Variants in ZC3H12B observed in about 807,000 individuals in gnomAD.
The protein encoded by ZC3H12B is zinc finger CCCH-type containing 12B.
Under a neutral mutation model 43.9 loss-of-function variants are expected in ZC3H12B, and 7 were observed. That is an observed-to-expected ratio of 0.16 (90% confidence interval 0.09 to 0.30). The LOEUF (loss-of-function observed/expected upper bound fraction) is 0.30. Ranked by LOEUF, ZC3H12B falls within the 10% of genes least tolerant of loss-of-function variation. ZC3H12B has a pLI of 1.00. For synonymous variants in ZC3H12B, 222 were observed against 241.7 expected, an observed-to-expected ratio of 0.92 and a Z score of 0.76; for missense variants, 475 against 670.2, an observed-to-expected ratio of 0.71 and a Z score of 3.22.
the ZC3H12B span, among the ~76,000 whole-genome samples, chrX:65,183,080 C>T: frequency 7.2e-5 from 8 of 111,471 alleles, no homozygotes; most frequent in Non-Finnish European, 1.1e-4. Context: ...GTGTTTGTAC[C>T]CAAAGGAATG....
At chrX:65,435,682 ATAGATAG>A (rs1210728906) in intron 3 of ZC3H12B, among the ~76,000 whole-genome samples, 1 of 111,113 alleles carries the variant, frequency 9.0e-6, no homozygotes, top group Non-Finnish European at 1.9e-5. Flanking sequence ...AGATAGATAG[ATAGATAG>A]ATAGATAGAT....
At chrX:65,301,881 G>A in the ZC3H12B span, among the ~76,000 whole-genome samples, 1 of 111,076 alleles carries the variant, frequency 9.0e-6, no homozygotes, top group African/African-American at 3.3e-5. Context: ...AATCATTAAT[G>A]TAACCTGTTA....
the ZC3H12B span, among the ~76,000 whole-genome samples, chrX:65,279,162 T>A: frequency 9.0e-6 from 1 of 111,087 alleles, no homozygotes; most frequent in Non-Finnish European, 1.9e-5. Flanking sequence ...AGTAATGGGA[T>A]TGCTGGGTCG....
At chrX:65,213,815 G>T in the ZC3H12B span, among the ~76,000 whole-genome samples, 1 of 108,747 alleles carries the variant, frequency 9.2e-6, no homozygotes, top group Admixed American at 1.0e-4. Flanking sequence ...GATATTGCAG[G>T]TTTGGTTTCA....
the ZC3H12B span, among the ~76,000 whole-genome samples, chrX:65,049,922 A>G: frequency 9.0e-6 from 1 of 111,289 alleles, no homozygotes; most frequent in Non-Finnish European, 1.9e-5. Context: ...GTATGTTTTT[A>G]TCTCTATAAA....
chrX:65,457,877 T>G (rs1446883203), intron 3 of ZC3H12B, among the ~76,000 whole-genome samples: 1 of 63,242 alleles, frequency 1.6e-5, no homozygotes, highest in Non-Finnish European at 2.7e-5. Flanking sequence ...GCATGCTCGT[T>G]AAGAGTCATC....
the ZC3H12B span, among the ~76,000 whole-genome samples, chrX:65,301,357 T>C: frequency 9.0e-6 from 1 of 111,529 alleles, no homozygotes; most frequent in East Asian, 2.8e-4. Context: ...AAAGAAGTCA[T>C]TATACAGAAA....
chrX:65,071,007 A>AT, the ZC3H12B span, among the ~76,000 whole-genome samples: 467 of 106,135 alleles, frequency 4.4e-3, 1 homozygote, highest in Non-Finnish European at 7.1e-3. Flanking sequence ...TTTTTTTGTT[A>AT]TTTTTTTTAA....
chrX:65,153,574 G>A, the ZC3H12B span, among the ~76,000 whole-genome samples: 1 of 111,760 alleles, frequency 8.9e-6, no homozygotes, highest in Non-Finnish European at 1.9e-5. Flanking sequence ...AAAAAGTCAG[G>A]AAACAACAGG....
chrX:65,387,427 G>A (rs1321686512), intron 2 of ZC3H12B, among the ~76,000 whole-genome samples: 1 of 111,258 alleles, frequency 9.0e-6, no homozygotes, highest in African/African-American at 3.3e-5. Flanking sequence ...ATCTTTGTTG[G>A]TTGAAGTCTG....
At chrX:65,464,331 T>C (rs979736639) in intron 3 of ZC3H12B, among the ~76,000 whole-genome samples, 1 of 111,962 alleles carries the variant, frequency 8.9e-6, no homozygotes, top group African/African-American at 3.2e-5. Context: ...TTTCAAGTCA[T>C]TTCCTGAGTC....
chrX:65,202,474 C>CT, the ZC3H12B span, among the ~76,000 whole-genome samples: 1 of 109,824 alleles, frequency 9.1e-6, no homozygotes, highest in Middle Eastern at 4.3e-3. Context: ...AATGCTGTGG[C>CT]TTTGCATACT....
At chrX:65,160,664 A>T in the ZC3H12B span, among the ~76,000 whole-genome samples, 3 of 110,956 alleles carry the variant, frequency 2.7e-5, no homozygotes, top group Non-Finnish European at 3.8e-5. Flanking sequence ...CTTCTTTATT[A>T]GTCTTGCTAA....
At chrX:65,287,337 T>G in the ZC3H12B span, among the ~76,000 whole-genome samples, 1 of 111,925 alleles carries the variant, frequency 8.9e-6, no homozygotes, top group Non-Finnish European at 1.9e-5. Flanking sequence ...ATCAAATATC[T>G]TTTCAGACCA....
At chrX:65,405,014 C>A (rs1265247791) in intron 3 of ZC3H12B, among the ~76,000 whole-genome samples, 1 of 112,001 alleles carries the variant, frequency 8.9e-6, no homozygotes, top group African/African-American at 3.2e-5. Flanking sequence ...TCTCTGACCA[C>A]AATAAAATAA....
the ZC3H12B span, among the ~76,000 whole-genome samples, chrX:65,148,942 C>A: frequency 5.4e-5 from 6 of 111,586 alleles, no homozygotes; most frequent in African/African-American, 2.0e-4. Context: ...TGTCTCCTCT[C>A]TCTCTCTTTT....
At chrX:65,330,879 T>C in the ZC3H12B span, 3 of 224,420 alleles carry the variant, frequency 1.3e-5, no homozygotes, top group Non-Finnish European at 2.7e-5. Context: ...ACCATCTCCA[T>C]TTCCAGGTTT....
the ZC3H12B span, among the ~76,000 whole-genome samples, chrX:65,262,140 C>A: frequency 9.0e-6 from 1 of 110,995 alleles, no homozygotes; most frequent in African/African-American, 3.3e-5. Flanking sequence ...CCAAATATAA[C>A]CTACTATATA....
chrX:65,327,730 G>A, the ZC3H12B span, among the ~76,000 whole-genome samples: 2 of 111,228 alleles, frequency 1.8e-5, no homozygotes, highest in African/African-American at 6.5e-5. Flanking sequence ...TCATAAACTG[G>A]GCAATAAAAC....
Sources: gnomAD v4.1 joint callset for allele counts (sites outside exome capture counted in the v4.1 genomes callset) on GRCh38, gnomAD v4.1.1 for gene constraint, MANE v1.5 for transcripts, NCBI Gene and HGNC (gene_info 2026-07-23, HGNC 2026-07-21) for gene names.